Variants in KLHL23 observed in about 807,000 individuals in gnomAD.
KLHL23 encodes kelch-like protein 23.
KLHL23 carries 33 observed loss-of-function variants against 48.9 expected under a neutral mutation model. The ratio of observed to expected loss-of-function variants is 0.67; its 90% CI spans 0.51 to 0.90. The LOEUF (loss-of-function observed/expected upper bound fraction) is 0.90, where lower values mean the gene tolerates loss of function less well. Ranked by LOEUF, KLHL23 falls within the 40% of genes least tolerant of loss-of-function variation. KLHL23 has a pLI of 0.00. For missense variants in KLHL23, 608 were observed against 669.6 expected (o/e 0.91, Z 1.02); for synonymous variants, 234 against 231.6 (o/e 1.01, Z -0.09).
intron 2 of KLHL23, among the ~76,000 whole-genome samples, chr2:169,739,737 G>A (rs1368470962): frequency 6.6e-6 from 1 of 152,004 alleles, no homozygotes; most frequent in Non-Finnish European, 1.5e-5. Flanking sequence ...TTAACAATGG[G>A]GATATGTTCT....
intron 3 of KLHL23, among the ~76,000 whole-genome samples, 153 bp from the exon 4 acceptor site, chr2:169,749,269 A>G (rs1475113634): frequency 6.6e-6 from 1 of 152,216 alleles, no homozygotes; most frequent in East Asian, 1.9e-4. Context: ...TTTCAGCCTC[A>G]GCGTTGCAGT....
intron 2 of KLHL23, 74 bp from the exon 3 acceptor site, chr2:169,741,308 CAAT>C: frequency 1.3e-6 from 2 of 1,520,334 alleles, no homozygotes; most frequent in Non-Finnish European, 8.8e-7. Context: ...ACAAAAACAA[CAAT>C]AAATTTAGCC....
rs570127215 is a variant in KLHL23 at position 169,747,032 on chromosome 2, G to A, written c.1367-2390G>A. ...TTATTTTCTTGGATGTCAGTAACGAGAAAAATATGTGGAAATGAAGCAAAA... is the reference window on the plus strand; with the variant it reads ...TTATTTTCTTGGATGTCAGTAACGAAAAAAATATGTGGAAATGAAGCAAAA... On this transcript the variant is annotated intron_variant, in intron 3 of 3. Coordinates refer to ENST00000392647, the MANE Select transcript of KLHL23 (RefSeq NM_144711.6). Among the ~76,000 whole-genome samples, 32 of 152,182 alleles carry A rather than the reference G, an allele frequency of 2.1e-4. 1 individual carries two copies. The South Asian group carries it at 2.5e-3, about 12-fold the overall frequency.
In KLHL23 at chr2:169,740,765, AT is replaced by A. The variant is rs367566807; in HGVS notation, c.1214-618del. Among the ~76,000 whole-genome samples, 61 of 95,542 alleles carry A rather than the reference AT, an allele frequency of 6.4e-4. 6 individuals are homozygous for A. The highest frequency in any genetic ancestry group is 2.3e-3 in the East Asian group (8 of 3,532). The allele number at this position is 95,542 out of a possible 152,430, so 62.7% of individuals were successfully genotyped here. A position where few individuals can be genotyped will look rare whatever the true frequency, so the allele number is the denominator to read the frequency against. ...GCCCGGCCTCTATAAGCTTTTTTAT[AT>A]TATATATATATATATATATATATAT... On this transcript the variant is annotated intron_variant, in intron 2 of 3. Coordinates refer to ENST00000392647, the MANE Select transcript of KLHL23 (RefSeq NM_144711.6).
In KLHL23 at chr2:169,749,656, T is replaced by G; in HGVS notation, c.1601T>G (p.Leu534Arg). 6.2e-7 allele frequency: 1 copy of G among 1,614,046 alleles called. No homozygotes were observed. The highest frequency in any genetic ancestry group is 1.3e-5 in the African/African-American group (1 of 75,024). The change falls in exon 4 of 4, where the codon CTT (leucine) becomes CGT (arginine). Residue 534 changes from leucine to arginine, a missense_variant. Leu to Arg is a moderately radical substitution (Grantham distance 102, BLOSUM62 -2). This residue lies in a region of KLHL23 where 179 missense variants were observed against 169.9 expected (regional missense o/e 1.05). Coordinates refer to ENST00000392647, the MANE Select transcript of KLHL23 (RefSeq NM_144711.6). ...LQSIEKYDPD[L>R]NKWEIVGNLP... Reference sequence around the variant, plus strand: ...AGCATTGAGAAATATGATCCAGATCTTAATAAGTGGGAAATAGTGGGTAAT... The same window carrying G: ...AGCATTGAGAAATATGATCCAGATCGTAATAAGTGGGAAATAGTGGGTAAT...
chr2:169,745,150 A>G (rs894127078), intron 3 of KLHL23, among the ~76,000 whole-genome samples: 90 of 151,234 alleles, frequency 6.0e-4, no homozygotes, highest in Non-Finnish European at 8.9e-5. Flanking sequence ...CTCCTGGCCT[A>G]AAGTCATCCA....
chr2:169,749,927 A>C lies in KLHL23; in HGVS notation c.*195A>C. On this transcript the variant is annotated 3_prime_UTR_variant, in exon 4 of 4. Coordinates refer to ENST00000392647, the MANE Select transcript of KLHL23 (RefSeq NM_144711.6). ...CAAGAAAAATCTTATATATATATAT[A>C]TATACACACACACATATATGTGTTC... 1 of 207,642 alleles carries C rather than the reference A, an allele frequency of 4.8e-6. No individual in the cohort carries two copies. Among genetic ancestry groups the C allele is most frequent in the Non-Finnish European group, 8.7e-6 (1 of 115,434 alleles). The allele number at this position is 207,642 out of a possible 1,614,324, so 12.9% of individuals were successfully genotyped here.
At chr2:169,743,004 T>G (rs993602882) in intron 3 of KLHL23, among the ~76,000 whole-genome samples, 19 of 152,220 alleles carry the variant, frequency 1.2e-4, no homozygotes, top group African/African-American at 4.3e-4. Context: ...GTCAAAGAGA[T>G]TATATAAATT....
chr2:169,746,221 G>A (rs1156751191), intron 3 of KLHL23, among the ~76,000 whole-genome samples: 1 of 152,260 alleles, frequency 6.6e-6, no homozygotes, highest in African/African-American at 2.4e-5. Context: ...AGTAGACTAA[G>A]CTCTTGGGCC....
chr2:169,749,396 C>G (rs762249891), intron 3 of KLHL23, 26 bp from the exon 4 acceptor site: 24 of 1,543,268 alleles, frequency 1.6e-5, no homozygotes, highest in Non-Finnish European at 1.9e-5. Context: ...TAAAAAAATG[C>G]TGTTTTCTTT....
At chr2:169,737,785 T>G (rs983417175) in intron 2 of KLHL23, among the ~76,000 whole-genome samples, 3 of 152,084 alleles carry the variant, frequency 2.0e-5, no homozygotes, top group Non-Finnish European at 4.4e-5. Context: ...TAGGTAATTT[T>G]TGTATTTTTA....
rs1558945245 is a variant in KLHL23, at chr2:169,736,068, G to A, written c.1054G>A (p.Gly352Ser). Residue 352 changes from glycine to serine, a missense_variant, in exon 2 of 4, where the codon GGT becomes AGT. Gly to Ser is a moderately conservative substitution (Grantham distance 56). Around this residue, in one of 3 missense-constraint regions of KLHL23, gnomAD observed 419 missense variants for 473.1 expected, o/e 0.89. Coordinates refer to ENST00000392647, the MANE Select transcript of KLHL23 (RefSeq NM_144711.6). Reference sequence around the variant, plus strand: ...CAGTGAAAGTGATGAATGGACAGAAGGTTTGCCAATGCTCAATGCCAGGTA... The same window carrying A: ...CAGTGAAAGTGATGAATGGACAGAAAGTTTGCCAATGCTCAATGCCAGGTA... ...YNSESDEWTE[G>S]LPMLNARYYH... is the part of the protein sequence containing the mutation. 1 of 1,614,150 alleles carries A rather than the reference G, an allele frequency of 6.2e-7. No homozygotes were observed. The highest frequency in any genetic ancestry group is 1.7e-5 in the Admixed American group (1 of 60,028).
rs1476976906 is a variant in KLHL23 at position 169,749,760 on chromosome 2, C to G, written c.*28C>G. 6.4e-7 allele frequency: 1 copy of G among 1,560,640 alleles called. No individual in the cohort carries two copies. Among genetic ancestry groups the G allele is most frequent in the African/African-American group, 1.4e-5 (1 of 73,410 alleles). On this transcript the variant is annotated 3_prime_UTR_variant, in exon 4 of 4. Coordinates refer to ENST00000392647, the MANE Select transcript of KLHL23 (RefSeq NM_144711.6). ...GAATCTGCAGAAATGACCAAGCAAT[C>G]ACTTTTTTGGAGTATAGTTTTATAA...
In KLHL23 at chr2:169,735,791, C is replaced by G. The variant is rs758769005; in HGVS notation, c.777C>G (p.Ala259=). The change falls in exon 2 of 4, where the codon GCC becomes GCG. Residue 259 remains alanine, a synonymous_variant. Coordinates refer to ENST00000392647, the MANE Select transcript of KLHL23 (RefSeq NM_144711.6). This position sits in a 1 kb window ranked among gnomAD's most constrained non-coding sequence, Gnocchi z 4.5. ...ENKIRSLIYN[A]LNPMHKEISQ... is the part of the protein sequence containing the mutation. ...AGATCCGCTCCCTAATATACAATGCCTTGAATCCCATGCATAAAGAGATTT... is the reference window on the plus strand; with the variant it reads ...AGATCCGCTCCCTAATATACAATGCGTTGAATCCCATGCATAAAGAGATTT... The G allele has an allele frequency of 1.2e-5, 20 of 1,614,102 alleles. No homozygotes were observed. In the East Asian group the frequency reaches 3.8e-4, roughly 31 times the overall value.
chr2:169,737,646 A>C (rs1688551216), intron 2 of KLHL23, among the ~76,000 whole-genome samples: 1 of 145,392 alleles, frequency 6.9e-6, no homozygotes, highest in African/African-American at 2.6e-5. Flanking sequence ...ATGGAGTCTC[A>C]CTCTGTCTCC....
At position 169,733,987 on chromosome 2, in the gene KLHL23, C is replaced by G. The variant is rs2105637510; in HGVS notation, c.-103C>G. 1 of 152,066 alleles carries G rather than the reference C, an allele frequency of 6.6e-6. No homozygotes were observed. The highest frequency in any genetic ancestry group is 2.1e-4 in the South Asian group (1 of 4,834). 9.4% of individuals were successfully genotyped at this position (152,066 alleles called of 1,614,324 possible). On this transcript the variant is annotated 5_prime_UTR_variant, in exon 1 of 4. Coordinates refer to ENST00000392647, the MANE Select transcript of KLHL23 (RefSeq NM_144711.6). ...TGGAGCGGCACTAGCTGGCGGCTTC[C>G]GAGCGCCTCTTCCAAAGATGGTCAG...
chr2:169,746,208 G>C (rs996962027), intron 3 of KLHL23, among the ~76,000 whole-genome samples: 1 of 152,242 alleles, frequency 6.6e-6, no homozygotes, highest in Non-Finnish European at 1.5e-5. Context: ...CTTGCCATCG[G>C]CAAGTAGACT....
At chr2:169,736,597 G>C (rs1277716894) in intron 2 of KLHL23, among the ~76,000 whole-genome samples, 1 of 152,184 alleles carries the variant, frequency 6.6e-6, no homozygotes, top group Admixed American at 6.5e-5. Context: ...CCTACAGGAT[G>C]TAACAAAGTA....
chr2:169,743,942 A>C (rs779013331), intron 3 of KLHL23, among the ~76,000 whole-genome samples: 1 of 152,224 alleles, frequency 6.6e-6, no homozygotes, highest in African/African-American at 2.4e-5. Flanking sequence ...GACTTCATAG[A>C]GATACATTGC....
Sources: gnomAD v4.1 joint callset for allele counts (sites outside exome capture counted in the v4.1 genomes callset) on GRCh38, gnomAD v4.1.1 for gene constraint, gnomAD v4.1.1 regional missense constraint, Gnocchi (gnomAD v3.1) non-coding constraint, MANE v1.5 for transcripts, NCBI Gene and HGNC (gene_info 2026-07-23, HGNC 2026-07-21) for gene names.